DEPDC5: variants seen among roughly 807,000 people sequenced by gnomAD.
The protein encoded by DEPDC5 is DEP domain containing 5, GATOR1 subcomplex subunit.
DEPDC5 carries 73 observed loss-of-function variants against 217.3 expected under a neutral mutation model. The observed-to-expected ratio is 0.34, with a 90% CI of 0.28 to 0.41. The LOEUF (loss-of-function observed/expected upper bound fraction) is 0.41, where lower values mean the gene tolerates loss of function less well. DEPDC5 is among the 10% of genes least tolerant of loss of function. DEPDC5 has a pLI of 1.00. For missense variants in DEPDC5, 1,675 were observed against 2,070.1 expected (o/e 0.81, Z 3.70); for synonymous variants, 733 against 756.7 (o/e 0.97, Z 0.51).
At chr22:31,845,850 C>A (rs1416066667) in intron 30 of DEPDC5, among the ~76,000 whole-genome samples, 1 of 150,574 alleles carries the variant, frequency 6.6e-6, no homozygotes, top group Non-Finnish European at 1.5e-5. Flanking sequence ...CAAAAAAATT[C>A]TCTCATGCTA....
In DEPDC5 at chr22:31,754,859, C is replaced by A; in HGVS notation, c.-60-3C>A. On this transcript the variant is annotated splice_polypyrimidine_tract_variant and splice_region_variant and intron_variant, in intron 1 of 42. Transcript: ENST00000651528. ...AACCTTTTCGTTTGTATTTCTGTGG[C>A]AGGGAGGCAAGATGACTTCTCTGCC... 1 of 1,577,816 alleles carries A rather than the reference C, an allele frequency of 6.3e-7. No homozygotes were observed.
At position 31,906,923 on chromosome 22, in the gene DEPDC5, T is replaced by G. The variant is rs2149451652; in HGVS notation, c.*426T>G. On this transcript the variant is annotated 3_prime_UTR_variant, in exon 43 of 43. Transcript: ENST00000651528. The surrounding 1 kb of genome is among the most constrained non-coding windows in gnomAD (Gnocchi z 5.1). ...TCTTGCCCAGGAGTGTGCACAGATG[T>G]AAGATAATTTTGTGAAATAATGTAC... is the stretch of plus-strand genomic sequence containing the variant. The G allele has an allele frequency of 1.2e-5, 3 of 259,360 alleles. No individual in the cohort carries two copies. In the South Asian group the frequency reaches 1.8e-4, roughly 16 times the overall value. The allele number at this position is 259,360 out of a possible 1,614,324, so 16.1% of individuals were successfully genotyped here. A position where few individuals can be genotyped will look rare whatever the true frequency, so the allele number is the denominator to read the frequency against.
At chr22:31,797,135 C>T (rs184101498) in intron 12 of DEPDC5, among the ~76,000 whole-genome samples, 282 of 151,556 alleles carry the variant, frequency 1.9e-3, no homozygotes, top group Admixed American at 3.3e-3. Flanking sequence ...GCTCACTGTA[C>T]TCCAATTACA....
rs536684222 is a variant in DEPDC5, at chr22:31,828,265, A to G, written c.2104+5475A>G. Among the ~76,000 whole-genome samples, 189 of 152,148 alleles carry G rather than the reference A, an allele frequency of 1.2e-3. 1 individual carries two copies. Among genetic ancestry groups the G allele is most frequent in the Non-Finnish European group, 2.0e-3 (134 of 68,036 alleles). On this transcript the variant is annotated intron_variant, in intron 24 of 42. Transcript: ENST00000651528. The stretch of plus-strand genomic sequence containing the variant: ...CGGGAGTTCGAGACCAGCCTGACCA[A>G]CATGGAGAAACCGCCATCTCTGCTA...
chr22:31,871,000 G>C lies in DEPDC5; in HGVS notation c.3485+256G>C, dbSNP rs563961359. Among the ~76,000 whole-genome samples the C allele has an allele frequency of 2.6e-5, 4 of 152,354 alleles. No individual in the cohort carries two copies. In the East Asian group the frequency reaches 7.7e-4, roughly 29 times the overall value. On this transcript the variant is annotated intron_variant, in intron 34 of 42. Transcript: ENST00000651528. ...GTCAGGCACCACACAGGAGTACAGG[G>C]CTTCCGGAAGGGGGCTCTGTCCAGT... is the stretch of plus-strand genomic sequence containing the variant.
chr22:31,792,183 T>C (rs1601876086), intron 11 of DEPDC5, 81 bp downstream of exon 11: 2 of 1,067,146 alleles, frequency 1.9e-6, no homozygotes, highest in Non-Finnish European at 2.8e-6. Flanking sequence ...TTTCATTTTT[T>C]TCCTCGTTGC....
In DEPDC5 at chr22:31,879,333, A is replaced by G. The variant is rs186302237; in HGVS notation, c.3806-192A>G. ...CTCCTCCTCCCACCCCCAGCAACCA[A>G]TAATCTGCTTTCTTTCTCAAAGATT... On this transcript the variant is annotated intron_variant, in intron 37 of 42. Transcript: ENST00000651528. Among the ~76,000 whole-genome samples, 35 of 151,968 alleles carry G rather than the reference A, an allele frequency of 2.3e-4. No individual in the cohort carries two copies. The East Asian group carries it at 5.4e-3, about 24-fold the overall frequency.
chr22:31,800,851 C>G (rs944821795), intron 14 of DEPDC5, among the ~76,000 whole-genome samples: 3 of 151,944 alleles, frequency 2.0e-5, no homozygotes, highest in Non-Finnish European at 4.4e-5. Context: ...TGGCGCACAC[C>G]TGTAATCTCA....
intron 12 of DEPDC5, among the ~76,000 whole-genome samples, chr22:31,797,148 C>T (rs2086335016): frequency 6.6e-6 from 1 of 151,832 alleles, no homozygotes; most frequent in South Asian, 2.1e-4. Flanking sequence ...CAATTACACT[C>T]TTTTTGAAAC....
At chr22:31,823,558 A>C (rs1021945904) in intron 24 of DEPDC5, among the ~76,000 whole-genome samples, 1 of 150,140 alleles carries the variant, frequency 6.7e-6, no homozygotes, top group Non-Finnish European at 1.5e-5. Flanking sequence ...AAAAAAAGAG[A>C]AGTGAGCACG....
chr22:31,858,013 GA>G (rs1346626176), intron 32 of DEPDC5: 3 of 152,750 alleles, frequency 2.0e-5, no homozygotes, highest in African/African-American at 7.2e-5. Context: ...ATGATCACAC[GA>G]CTGCGCTCCA....
intron 27 of DEPDC5, among the ~76,000 whole-genome samples, chr22:31,842,540 A>C (rs964662896): frequency 6.9e-6 from 1 of 144,652 alleles, no homozygotes; most frequent in Non-Finnish European, 1.5e-5. Flanking sequence ...GGGCCATTGC[A>C]CTCCAGCTTG....
chr22:31,888,733 G>A (rs2093372567), intron 38 of DEPDC5, among the ~76,000 whole-genome samples: 1 of 151,786 alleles, frequency 6.6e-6, no homozygotes. Context: ...GATATTTTGT[G>A]GAGACAGGGT....
chr22:31,797,574 C>G (rs1360584272), intron 12 of DEPDC5, 26 bp from the exon 13 acceptor site: 11 of 1,579,832 alleles, frequency 7.0e-6, no homozygotes, highest in Non-Finnish European at 9.6e-6. Context: ...TGCTCAATAT[C>G]CATTTTATGA....
At chr22:31,756,387 G>C (rs1189117517) in intron 2 of DEPDC5, among the ~76,000 whole-genome samples, 1 of 152,068 alleles carries the variant, frequency 6.6e-6, no homozygotes, top group Non-Finnish European at 1.5e-5. Context: ...GTAATTACCA[G>C]GCTACAGGCA....
rs41311139 is a variant in DEPDC5 at position 31,804,863 on chromosome 22, C to T, written c.1165C>T (p.Arg389Cys). ...GCAGCTCCATAATCGGAGTGCTCCCCGTGATTCTCGTCTGGGCGATGACTA... is the reference window on the plus strand; with the variant it reads ...GCAGCTCCATAATCGGAGTGCTCCCTGTGATTCTCGTCTGGGCGATGACTA... ...LFKLHNRSAP[R>C]DSRLGDDYNI... The change falls in exon 17 of 43, where the codon CGT becomes TGT. Residue 389 changes from arginine to cysteine, a missense_variant. Transcript: ENST00000651528. 46,524 of 1,613,738 alleles carry T rather than the reference C, an allele frequency of 0.029. 765 individuals carry two copies. The highest frequency in any genetic ancestry group is 0.034 in the Non-Finnish European group (40,169 of 1,179,706).
chr22:31,769,250 A>G (rs966685732), intron 7 of DEPDC5: 17 of 147,880 alleles, frequency 1.1e-4, no homozygotes, highest in African/African-American at 4.3e-4. Flanking sequence ...ACAGAGCAAA[A>G]CTCCGTCTCA....
At chr22:31,770,259 ATAAT>A (rs2083222239) in intron 7 of DEPDC5, among the ~76,000 whole-genome samples, 1 of 152,046 alleles carries the variant, frequency 6.6e-6, no homozygotes, top group African/African-American at 2.4e-5. Context: ...CAACATGCAC[ATAAT>A]TAAGCATTCA....
intron 32 of DEPDC5, among the ~76,000 whole-genome samples, chr22:31,860,499 C>T (rs569198141): frequency 1.1e-4 from 17 of 152,152 alleles, no homozygotes; most frequent in African/African-American, 1.7e-4. Flanking sequence ...AAAAAGATTC[C>T]GAAAGGAAAG....
Sources: gnomAD v4.1 joint callset for allele counts (sites outside exome capture counted in the v4.1 genomes callset) on GRCh38, gnomAD v4.1.1 for gene constraint, Gnocchi (gnomAD v3.1) non-coding constraint, MANE v1.5 for transcripts, NCBI Gene and HGNC (gene_info 2026-07-23, HGNC 2026-07-21) for gene names.